Variants in EXOC6 observed in about 807,000 individuals in gnomAD.
EXOC6 encodes SEC15-like 1.
Under a neutral mutation model 112.5 loss-of-function variants are expected in EXOC6, and 60 were observed. The observed-to-expected ratio is 0.53, with a 90% CI of 0.43 to 0.66. The LOEUF is 0.66. Ranked by LOEUF, EXOC6 falls within the 30% of genes least tolerant of loss-of-function variation. EXOC6 has a pLI of 0.00. For missense variants in EXOC6, 855 were observed against 957.1 expected, an observed-to-expected ratio of 0.89 and a Z score of 1.41; for synonymous variants, 295 against 308.0, an observed-to-expected ratio of 0.96 and a Z score of 0.44.
At chr10:92,864,445 A>C (rs1401652258) in intron 1 of EXOC6, among the ~76,000 whole-genome samples, 1 of 152,188 alleles carries the variant, frequency 6.6e-6, no homozygotes, top group Non-Finnish European at 1.5e-5. Flanking sequence ...TGAGGTCAAA[A>C]TTATTTTTAA....
intron 4 of EXOC6, among the ~76,000 whole-genome samples, chr10:92,895,483 A>G (rs1849698469): frequency 1.3e-5 from 2 of 152,114 alleles, no homozygotes; most frequent in South Asian, 2.1e-4. Context: ...AAAAACATCA[A>G]AAGAGCTGGA....
At chr10:93,016,954 A>G (rs1844551618) in intron 20 of EXOC6, among the ~76,000 whole-genome samples, 1 of 151,746 alleles carries the variant, frequency 6.6e-6, no homozygotes, top group Non-Finnish European at 1.5e-5. Flanking sequence ...CTGGGACTAC[A>G]GGCGTGTGCC....
At chr10:92,936,980 A>T (rs1213987073) in intron 12 of EXOC6, among the ~76,000 whole-genome samples, 5 of 152,156 alleles carry the variant, frequency 3.3e-5, no homozygotes, top group Non-Finnish European at 7.4e-5. Flanking sequence ...TCCCCCCTGG[A>T]TATTAGGAAC....
chr10:93,058,708 G>GT lies in EXOC6; in HGVS notation c.*359dup, dbSNP rs1846656367. 5.9e-6 allele frequency: 1 copy of GT among 169,100 alleles called. No homozygotes were observed. 10.5% of individuals were successfully genotyped at this position (169,100 alleles called of 1,614,324 possible). A position where few individuals can be genotyped will look rare whatever the true frequency, so the allele number is the denominator to read the frequency against. ...TCTATTTAGACTTGAATGATAATCT[G>GT]TTTTTTGATCAGTATATGGCTTTGG... is the stretch of plus-strand genomic sequence containing the variant. On this transcript the variant is annotated 3_prime_UTR_variant, in exon 22 of 22. Coordinates refer to ENST00000260762, the MANE Select transcript of EXOC6 (RefSeq NM_019053.6).
In EXOC6 at chr10:92,998,399, T is replaced by A. The variant is rs536021679; in HGVS notation, c.2095+784T>A. 1.8e-4 allele frequency among the ~76,000 whole-genome samples: 28 copies of A among 152,292 alleles called. No homozygotes were observed. The South Asian group carries it at 5.6e-3, about 30-fold the overall frequency. On this transcript the variant is annotated intron_variant, in intron 19 of 21. Transcript: ENST00000260762. ...AATCAGTGGGGCACAAGAAGGATTA[T>A]AAAATATTTGTCTGAGGAAAAATTT...
At chr10:93,030,581 A>T (rs61659610) in intron 20 of EXOC6, among the ~76,000 whole-genome samples, 2,183 of 152,300 alleles carry the variant, frequency 0.014, 55 homozygotes, top group African/African-American at 0.05. Context: ...ATACCAGCTC[A>T]TGTAGAGTTC....
chr10:92,990,468 C>T (rs72813194), intron 18 of EXOC6, among the ~76,000 whole-genome samples: 115 of 152,174 alleles, frequency 7.6e-4, no homozygotes, highest in Admixed American at 3.5e-3. Context: ...GGAAACAACA[C>T]GAGAGTTTTA....
chr10:92,987,753 C>A, intron 18 of EXOC6: 1 of 432,306 alleles, frequency 2.3e-6, no homozygotes, highest in Non-Finnish European at 3.1e-6. Context: ...ACTTTGGCAA[C>A]ATCCTTGATA....
Position 92,954,735 on chromosome 10 carries a change from G to A in EXOC6, c.1632G>A (p.Leu544=). Residue 544 remains leucine, a synonymous_variant, in exon 16 of 22, where the codon TTG becomes TTA. Coordinates refer to ENST00000260762, the MANE Select transcript of EXOC6 (RefSeq NM_019053.6). The stretch of plus-strand genomic sequence containing the variant: ...TTATTAGAAAACCTCATATAGGTTT[G>A]ACAGAGGTAGGTTAAAAAGACACAT... ...LNLIRKPHIG[L]TELVQIIINT... is the part of the protein sequence containing the mutation. 1 of 1,465,094 alleles carries A rather than the reference G, an allele frequency of 6.8e-7. No homozygotes were observed. The highest frequency in any genetic ancestry group is 1.2e-5 in the South Asian group (1 of 85,380). The allele number at this position is 1,465,094 out of a possible 1,614,324, so 90.8% of individuals were successfully genotyped here. A position where few individuals can be genotyped will look rare whatever the true frequency, so the allele number is the denominator to read the frequency against.
chr10:92,999,201 C>T (rs1328369538), intron 19 of EXOC6: 10 of 390,512 alleles, frequency 2.6e-5, no homozygotes, highest in Non-Finnish European at 4.4e-5. Flanking sequence ...CCCTAAGAAA[C>T]ACTTTTTTTT....
At chr10:92,929,579 T>C (rs1377286898) in intron 9 of EXOC6, among the ~76,000 whole-genome samples, 1 of 152,242 alleles carries the variant, frequency 6.6e-6, no homozygotes, top group Non-Finnish European at 1.5e-5. Context: ...ATAATAGTGC[T>C]ACTTAGTATA....
At chr10:92,831,039 C>G (rs556143503), upstream of EXOC6, among the ~76,000 whole-genome samples, 1 of 152,120 alleles carries the variant, frequency 6.6e-6, no homozygotes, top group African/African-American at 2.4e-5. Flanking sequence ...TTAATCTGTG[C>G]GAACTTCCGG....
rs1427336241 is a variant in EXOC6 at position 92,931,010 on chromosome 10, GC to G, written c.972+2589del. The stretch of plus-strand genomic sequence containing the variant: ...GCCTGTAGTCCCAGCTACTAGGGAG[GC>G]TGAGGCAGGAGAATCGCTTGAACCT... On this transcript the variant is annotated intron_variant, in intron 9 of 21. Transcript: ENST00000260762. Among the ~76,000 whole-genome samples the G allele has an allele frequency of 2.0e-5, 3 of 151,654 alleles. No homozygotes were observed. In the East Asian group the frequency reaches 5.8e-4, roughly 29 times the overall value.
At chr10:92,862,271 G>T (rs10736070) in intron 1 of EXOC6, among the ~76,000 whole-genome samples, 150,087 of 152,270 alleles carry the variant, frequency 0.99, 73,972 homozygotes, top group East Asian at 1. Flanking sequence ...CTTCTTCCAC[G>T]TTAGCGTGCT....
rs1853314167 is a variant in EXOC6, at chr10:92,950,131, G to A, written c.1416+1752G>A. Among the ~76,000 whole-genome samples the A allele has an allele frequency of 2.6e-5, 4 of 152,260 alleles. No individual in the cohort carries two copies. The South Asian group carries it at 8.3e-4, about 32-fold the overall frequency. Reference sequence around the variant, plus strand: ...TTACTCATTATTAAAAAGAAGAACTGTTAATAGTTAAAGTCACATGGAAAA... The same window carrying A: ...TTACTCATTATTAAAAAGAAGAACTATTAATAGTTAAAGTCACATGGAAAA... On this transcript the variant is annotated intron_variant, in intron 14 of 21. Coordinates refer to ENST00000260762, the MANE Select transcript of EXOC6 (RefSeq NM_019053.6).
intron 20 of EXOC6, among the ~76,000 whole-genome samples, chr10:93,025,342 C>G (rs143916547): frequency 5.3e-5 from 8 of 152,214 alleles, no homozygotes; most frequent in African/African-American, 1.9e-4. Flanking sequence ...GACATAGACA[C>G]TCACAAATTG....
At chr10:92,871,125 T>G (rs1848425460) in intron 1 of EXOC6, among the ~76,000 whole-genome samples, 1 of 152,210 alleles carries the variant, frequency 6.6e-6, no homozygotes, top group African/African-American at 2.4e-5. Flanking sequence ...ATAATTGGTC[T>G]GTTTTAGACT....
chr10:92,972,724 G>A (rs1329420983), intron 17 of EXOC6, among the ~76,000 whole-genome samples: 2 of 152,132 alleles, frequency 1.3e-5, no homozygotes, highest in Non-Finnish European at 2.9e-5. Flanking sequence ...CATAGCTTCT[G>A]CAGCTATTTC....
upstream of EXOC6, chr10:92,834,588 G>A: frequency 1.7e-6 from 1 of 576,536 alleles, no homozygotes; most frequent in South Asian, 2.7e-5. Context: ...CATGAAGTCA[G>A]ACAGTGAGCT....
Sources: allele counts gnomAD v4.1 joint callset (sites outside exome capture counted in the v4.1 genomes callset), GRCh38; gene constraint gnomAD v4.1.1; transcripts MANE v1.5; gene names NCBI Gene and HGNC (gene_info 2026-07-23, HGNC 2026-07-21).